RIMS1: variants seen among roughly 807,000 people sequenced by gnomAD.
The protein encoded by RIMS1 is regulating synaptic membrane exocytosis protein 1.
RIMS1 carries 83 observed loss-of-function variants against 214.1 expected under a neutral mutation model. That is an observed-to-expected ratio of 0.39 (90% CI 0.32 to 0.47). RIMS1 has a LOEUF of 0.47. RIMS1 is among the 20% of genes least tolerant of loss of function. The pLI is 0.99. For missense variants in RIMS1, 2,050 were observed against 2,161.8 expected, an observed-to-expected ratio of 0.95 and a Z score of 1.03; for synonymous variants, 793 against 786.8, an observed-to-expected ratio of 1.01 and a Z score of -0.13.
intron 29 of RIMS1, among the ~76,000 whole-genome samples, chr6:72,371,713 G>T (rs1048299075): frequency 4.6e-5 from 7 of 152,114 alleles, no homozygotes; most frequent in African/African-American, 1.7e-4. Flanking sequence ...GAGGCAATGG[G>T]CAGGACCCAA....
rs115474220 is a variant in RIMS1, at chr6:72,358,046, A to G, written c.4366+24211A>G. ...GCTGGTGCCCGTTAGGAAACAATTC[A>G]TTTTAAACAGTATCACCACCTTGTC... On this transcript the variant is annotated intron_variant, in intron 29 of 33. Transcript: ENST00000521978. Among the ~76,000 whole-genome samples the G allele has an allele frequency of 5.4e-3, 681 of 126,400 alleles. 5 individuals carry two copies. Among genetic ancestry groups the G allele is most frequent in the African/African-American group, 0.017 (656 of 38,064 alleles). 82.9% of individuals were successfully genotyped at this position (126,400 alleles called of 152,430 possible).
chr6:71,901,222 C>T (rs571613399), intron 1 of RIMS1, among the ~76,000 whole-genome samples: 7 of 152,036 alleles, frequency 4.6e-5, no homozygotes, highest in South Asian at 2.1e-4. Flanking sequence ...AAGAGTTTAG[C>T]GTGCATCTAC....
chr6:72,247,192 C>A (rs1291533962), intron 11 of RIMS1, among the ~76,000 whole-genome samples: 1 of 152,058 alleles, frequency 6.6e-6, no homozygotes, highest in Non-Finnish European at 1.5e-5. Context: ...GGAGACCCAG[C>A]CTCCTCCATG....
At chr6:72,030,286 A>G (rs1465652091) in intron 2 of RIMS1, among the ~76,000 whole-genome samples, 2 of 152,128 alleles carry the variant, frequency 1.3e-5, no homozygotes, top group South Asian at 2.1e-4. Flanking sequence ...TGATGTGGCT[A>G]TTGGTTGCTA....
At chr6:71,985,208 A>T (rs1799583242) in intron 2 of RIMS1, among the ~76,000 whole-genome samples, 2 of 152,086 alleles carry the variant, frequency 1.3e-5, no homozygotes, top group South Asian at 4.1e-4. Context: ...ACATAGTGAG[A>T]CTTCTGTCTC....
intron 2 of RIMS1, among the ~76,000 whole-genome samples, chr6:72,005,664 G>T (rs1027453363): frequency 6.6e-6 from 1 of 152,164 alleles, no homozygotes; most frequent in Non-Finnish European, 1.5e-5. Flanking sequence ...GAATTCAAAG[G>T]CCTGTTGTGC....
At chr6:72,003,085 C>T (rs1022704168) in intron 2 of RIMS1, among the ~76,000 whole-genome samples, 4 of 152,054 alleles carry the variant, frequency 2.6e-5, no homozygotes, top group Admixed American at 6.5e-5. Context: ...ACCAGAACTC[C>T]GTGGCTGAAG....
chr6:72,221,474 A>C (rs765028024), intron 6 of RIMS1, among the ~76,000 whole-genome samples: 11 of 152,100 alleles, frequency 7.2e-5, no homozygotes, highest in Non-Finnish European at 1.2e-4. Context: ...CAAAATGGCT[A>C]GCCTAGGGTA....
At chr6:72,309,295 C>G (rs2095393522) in intron 27 of RIMS1, among the ~76,000 whole-genome samples, 1 of 152,146 alleles carries the variant, frequency 6.6e-6, no homozygotes, top group Admixed American at 6.5e-5. Context: ...TCCAAATTCT[C>G]TGACTCATAA....
chr6:72,150,078 G>C (rs1474379510), intron 4 of RIMS1, among the ~76,000 whole-genome samples: 1 of 152,142 alleles, frequency 6.6e-6, no homozygotes, highest in Non-Finnish European at 1.5e-5. Flanking sequence ...TCTCAGCAGA[G>C]AGGGGATGTG....
At chr6:72,078,589 G>C (rs1248201011) in intron 2 of RIMS1, among the ~76,000 whole-genome samples, 1 of 152,082 alleles carries the variant, frequency 6.6e-6, no homozygotes, top group Non-Finnish European at 1.5e-5. Flanking sequence ...GAGACAGGTT[G>C]CTATACCAAA....
At chr6:72,362,675 T>C (rs1237403574) in intron 29 of RIMS1, among the ~76,000 whole-genome samples, 2 of 152,062 alleles carry the variant, frequency 1.3e-5, no homozygotes, top group Non-Finnish European at 2.9e-5. Context: ...TTCTATATCT[T>C]TTGACTAAAT....
chr6:72,127,744 T>C (rs2039804101), intron 4 of RIMS1, among the ~76,000 whole-genome samples: 2 of 152,192 alleles, frequency 1.3e-5, no homozygotes, highest in Non-Finnish European at 2.9e-5. Flanking sequence ...AACCCAGAAA[T>C]CTTCTCCATG....
At chr6:72,308,612 G>T (rs906328183) in intron 27 of RIMS1, among the ~76,000 whole-genome samples, 3 of 152,030 alleles carry the variant, frequency 2.0e-5, no homozygotes, top group Non-Finnish European at 4.4e-5. Flanking sequence ...TACAAAATAC[G>T]ATTTATCACC....
At chr6:72,259,878 T>C (rs893748158) in intron 18 of RIMS1, among the ~76,000 whole-genome samples, 1 of 152,110 alleles carries the variant, frequency 6.6e-6, no homozygotes, top group African/African-American at 2.4e-5. Flanking sequence ...AAACTTTCAG[T>C]GAGGAGAAGG....
chr6:72,198,843 G>A (rs1042065152), intron 6 of RIMS1, among the ~76,000 whole-genome samples: 16 of 151,728 alleles, frequency 1.1e-4, no homozygotes, highest in Non-Finnish European at 2.1e-4. Flanking sequence ...TTTTGAAACC[G>A]CAATTCTGTA....
At chr6:71,985,558 A>G (rs1799697517) in intron 2 of RIMS1, among the ~76,000 whole-genome samples, 1 of 152,260 alleles carries the variant, frequency 6.6e-6, no homozygotes, top group East Asian at 1.9e-4. Flanking sequence ...ATCTTTTACC[A>G]ATTCCATGTT....
At chr6:71,987,422 C>T (rs1225657665) in intron 2 of RIMS1, among the ~76,000 whole-genome samples, 1 of 152,160 alleles carries the variant, frequency 6.6e-6, no homozygotes, top group Non-Finnish European at 1.5e-5. Context: ...AAGAAGCAAA[C>T]TCTCTTGTGT....
At chr6:72,380,113 T>C (rs1363370441) in intron 29 of RIMS1, among the ~76,000 whole-genome samples, 2 of 152,114 alleles carry the variant, frequency 1.3e-5, no homozygotes, top group Non-Finnish European at 2.9e-5. Flanking sequence ...TGGATGAAGC[T>C]GGAAACCATC....
Sources: allele counts gnomAD v4.1 joint callset (sites outside exome capture counted in the v4.1 genomes callset), GRCh38; gene constraint gnomAD v4.1.1; transcripts MANE v1.5; gene names NCBI Gene and HGNC (gene_info 2026-07-23, HGNC 2026-07-21).